The following GOLGA6C variants were observed in gnomAD, a reference collection of about 807,000 sequenced individuals.
GOLGA6C encodes the protein golgin A6 family member C.
GOLGA6C carries 3 observed loss-of-function variants against 57.5 expected under a neutral mutation model. That is an observed-to-expected ratio of 0.05 (90% CI 0.02 to 0.13). GOLGA6C has a LOEUF of 0.13. Ranked by LOEUF, GOLGA6C falls within the 10% of genes least tolerant of loss-of-function variation. The probability of loss-of-function intolerance (pLI) is 1.00; values close to 1 mark genes in which losing one functional copy is unlikely to be tolerated. For synonymous variants in GOLGA6C, 32 were observed against 203.8 expected (o/e 0.16, Z 7.18); for missense variants, 88 against 525.6 (o/e 0.17, Z 8.14).
rs1181811978 is a variant in GOLGA6C, at chr15:75,270,388, A to G, written c.*189A>G. 2.8e-5 allele frequency among the ~76,000 whole-genome samples: 4 copies of G among 141,412 alleles called. No homozygotes were observed. Among genetic ancestry groups the G allele is most frequent in the Non-Finnish European group, 6.0e-5 (4 of 66,364 alleles). 92.8% of individuals were successfully genotyped at this position (141,412 alleles called of 152,430 possible). ...TTGAATGCTAGAGCCACTCACATTT[A>G]TTTGTGTTTCTAATTTACCGTTTAA... On this transcript the variant is annotated 3_prime_UTR_variant, in exon 18 of 18. Transcript: ENST00000300576.
rs1234520591 is a variant in GOLGA6C, at chr15:75,273,368, A to C, written c.*3169A>C. ...TGTAAACAGAATGTATAATAGAAATACTGAAACACTGTTGCCTAAAGTGGC... is the reference window on the plus strand; with the variant it reads ...TGTAAACAGAATGTATAATAGAAATCCTGAAACACTGTTGCCTAAAGTGGC... On this transcript the variant is annotated 3_prime_UTR_variant, in exon 18 of 18. Coordinates refer to ENST00000300576, the MANE Select transcript of GOLGA6C (RefSeq NM_001164404.2). Among the ~76,000 whole-genome samples the C allele has an allele frequency of 1.3e-5, 2 of 152,032 alleles. No homozygotes were observed. Among genetic ancestry groups the C allele is most frequent in the African/African-American group, 2.4e-5 (1 of 41,288 alleles).
At position 75,270,101 on chromosome 15, in the gene GOLGA6C, G is replaced by T. The variant is rs771981851; in HGVS notation, c.1984G>T (p.Val662Leu). The change falls in exon 18 of 18, where the codon GTG becomes TTG. Residue 662 changes from valine to leucine, a missense_variant. Transcript: ENST00000300576. ...DFYEVSLDNN[V>L]EPAPGAAREG... is the part of the protein sequence containing the mutation. The stretch of plus-strand genomic sequence containing the variant: ...TTATGAAGTGAGCCTGGACAACAAC[G>T]TGGAGCCTGCACCAGGAGCGGCCAG... 3.7e-6 allele frequency: 6 copies of T among 1,603,074 alleles called. 1 individual carries two copies. In the East Asian group the frequency reaches 1.1e-4, roughly 30 times the overall value.
chr15:75,264,439 G>GTGT (rs2070747629), intron 7 of GOLGA6C, among the ~76,000 whole-genome samples: 1 of 117,276 alleles, frequency 8.5e-6, no homozygotes, highest in African/African-American at 3.9e-5. Flanking sequence ...AGAGGAAAGG[G>GTGT]GTGTGTGTGT....
In GOLGA6C at chr15:75,270,359, C is replaced by G. The variant is rs1202529963; in HGVS notation, c.*160C>G. ...TCATCTCCTACACAATTCATTTACT[C>G]CATTTGAATGCTAGAGCCACTCACA... On this transcript the variant is annotated 3_prime_UTR_variant, in exon 18 of 18. Transcript: ENST00000300576. Among the ~76,000 whole-genome samples the G allele has an allele frequency of 1.4e-5, 2 of 144,076 alleles. No homozygotes were observed. The highest frequency in any genetic ancestry group is 2.7e-5 in the African/African-American group (1 of 37,310). The allele number at this position is 144,076 out of a possible 152,430, so 94.5% of individuals were successfully genotyped here.
At position 75,273,151 on chromosome 15, in the gene GOLGA6C, G is replaced by T. The variant is rs1218735809; in HGVS notation, c.*2952G>T. Among the ~76,000 whole-genome samples the T allele has an allele frequency of 1.3e-5, 2 of 152,158 alleles. No individual in the cohort carries two copies. Among genetic ancestry groups the T allele is most frequent in the African/African-American group, 4.8e-5 (2 of 41,378 alleles). ...TTTATCTTAAAGAGTCATTTTAAAA[G>T]AATATAACTATTCAAAAATGTAACT... On this transcript the variant is annotated 3_prime_UTR_variant, in exon 18 of 18. Transcript: ENST00000300576.
rs1479121843 is a variant in GOLGA6C at position 75,259,029 on chromosome 15, C to T, written c.84+347C>T. Among the ~76,000 whole-genome samples, 338 of 149,672 alleles carry T rather than the reference C, an allele frequency of 2.3e-3. 1 individual carries two copies. Among genetic ancestry groups the T allele is most frequent in the African/African-American group, 8.0e-3 (322 of 40,056 alleles). On this transcript the variant is annotated intron_variant, in intron 1 of 17. Coordinates refer to ENST00000300576, the MANE Select transcript of GOLGA6C (RefSeq NM_001164404.2). ...CCTGGGTCCCCCAGCCCCAACCCCC[C>T]AGCATCGCCAGTCATCCCGGGGTGA...
Position 75,272,919 on chromosome 15 carries a change from G to A in GOLGA6C, c.*2720G>A, listed in dbSNP as rs1359177748. Among the ~76,000 whole-genome samples, 1 of 151,986 alleles carries A rather than the reference G, an allele frequency of 6.6e-6. No homozygotes were observed. The highest frequency in any genetic ancestry group is 1.5e-5 in the Non-Finnish European group (1 of 68,054). On this transcript the variant is annotated 3_prime_UTR_variant, in exon 18 of 18. Coordinates refer to ENST00000300576, the MANE Select transcript of GOLGA6C (RefSeq NM_001164404.2). ...CAGAAACATAGAATTTTAAAGTGTGGGTTCAACTGAATAAATTTGAATTTC... is the reference window on the plus strand; with the variant it reads ...CAGAAACATAGAATTTTAAAGTGTGAGTTCAACTGAATAAATTTGAATTTC...
At position 75,273,343 on chromosome 15, in the gene GOLGA6C, T is replaced by C. The variant is rs1329269282; in HGVS notation, c.*3144T>C. Among the ~76,000 whole-genome samples, 2 of 151,948 alleles carry C rather than the reference T, an allele frequency of 1.3e-5. No individual in the cohort carries two copies. Among genetic ancestry groups the C allele is most frequent in the Non-Finnish European group, 2.9e-5 (2 of 68,042 alleles). On this transcript the variant is annotated 3_prime_UTR_variant, in exon 18 of 18. Transcript: ENST00000300576. ...TGACTTTTACCAGTTTATGAATTCT[T>C]GTAAACAGAATGTATAATAGAAATA...
chr15:75,259,227 G>T (rs2070723697), intron 1 of GOLGA6C, among the ~76,000 whole-genome samples: 1 of 149,838 alleles, frequency 6.7e-6, no homozygotes, highest in Non-Finnish European at 1.5e-5. Flanking sequence ...CACTGATGAG[G>T]TTTCCCCCAC....
At chr15:75,265,031 A>C (rs1810406) in intron 7 of GOLGA6C, 91 bp from the exon 8 acceptor site, 4 of 1,475,820 alleles carry the variant, frequency 2.7e-6, no homozygotes, top group African/African-American at 2.9e-5. Context: ...GACCTTTACT[A>C]ACCGAGTTGT....
rs1191279534 is a variant in GOLGA6C, at chr15:75,273,234, G to A, written c.*3035G>A. Among the ~76,000 whole-genome samples the A allele has an allele frequency of 6.6e-6, 1 of 152,086 alleles. No homozygotes were observed. The highest frequency in any genetic ancestry group is 1.5e-5 in the Non-Finnish European group (1 of 68,054). On this transcript the variant is annotated 3_prime_UTR_variant, in exon 18 of 18. Coordinates refer to ENST00000300576, the MANE Select transcript of GOLGA6C (RefSeq NM_001164404.2). ...CTTTAAAATATGAATACTGTAGTTT[G>A]AAAGAAAGAAACTGGGGGAAGGAAA...
At position 75,272,752 on chromosome 15, in the gene GOLGA6C, TA is replaced by T. The variant is rs1169537216; in HGVS notation, c.*2555del. 1.9e-4 allele frequency among the ~76,000 whole-genome samples: 28 copies of T among 151,118 alleles called. No individual in the cohort carries two copies. The highest frequency in any genetic ancestry group is 6.7e-4 in the African/African-American group (27 of 40,390). On this transcript the variant is annotated 3_prime_UTR_variant, in exon 18 of 18. Transcript: ENST00000300576. ...AAAATTAAATAGCATGTAAATCATATAACAATAACTTAAGTCTTTCTTCAAA... is the reference window on the plus strand; with the variant it reads ...AAAATTAAATAGCATGTAAATCATATACAATAACTTAAGTCTTTCTTCAAA...
At position 75,270,349 on chromosome 15, in the gene GOLGA6C, T is replaced by C; in HGVS notation, c.*150T>C. On this transcript the variant is annotated 3_prime_UTR_variant, in exon 18 of 18. Transcript: ENST00000300576. The stretch of plus-strand genomic sequence containing the variant: ...GTTACGGGGTTCATCTCCTACACAA[T>C]TCATTTACTCCATTTGAATGCTAGA... 7.8e-7 allele frequency: 1 copy of C among 1,275,512 alleles called. No individual in the cohort carries two copies. Among genetic ancestry groups the C allele is most frequent in the Admixed American group, 2.9e-5 (1 of 34,862 alleles). The allele number at this position is 1,275,512 out of a possible 1,614,324, so 79.0% of individuals were successfully genotyped here.
chr15:75,270,171 A>T lies in GOLGA6C; in HGVS notation c.2054A>T (p.Gln685Leu), dbSNP rs1318512404. ...AACCCCCCGGTACAGCAGATCGTGC[A>T]GCTGTCTCCTGTCATGCAGGACACC... Reference protein sequence around the residue: ...HDNPPVQQIVQLSPVMQDT With the variant: ...HDNPPVQQIVLLSPVMQDT The change falls in exon 18 of 18, where the codon CAG (glutamine) becomes CTG (leucine). Residue 685 changes from glutamine to leucine, a missense_variant. Gln to Leu is a moderately radical substitution (Grantham distance 113). Coordinates refer to ENST00000300576, the MANE Select transcript of GOLGA6C (RefSeq NM_001164404.2). 10 of 1,592,316 alleles carry T rather than the reference A, an allele frequency of 6.3e-6. 1 individual carries two copies. The Admixed American group carries it at 1.8e-4, about 28-fold the overall frequency.
chr15:75,258,860 G>A (rs2070720218), intron 1 of GOLGA6C, among the ~76,000 whole-genome samples, 178 bp downstream of exon 1: 1 of 150,936 alleles, frequency 6.6e-6, no homozygotes. Flanking sequence ...CCTTCAGCAA[G>A]CAGCCCAGCC....
chr15:75,270,112 A>T lies in GOLGA6C; in HGVS notation c.1995A>T (p.Ala665=). Residue 665 remains alanine, a synonymous_variant, in exon 18 of 18, where the codon GCA becomes GCT. Coordinates refer to ENST00000300576, the MANE Select transcript of GOLGA6C (RefSeq NM_001164404.2). The stretch of plus-strand genomic sequence containing the variant: ...GCCTGGACAACAACGTGGAGCCTGC[A>T]CCAGGAGCGGCCAGGGAGGGTTCTC... ...EVSLDNNVEP[A]PGAAREGSPH... The T allele has an allele frequency of 1.2e-6, 2 of 1,601,708 alleles. No individual in the cohort carries two copies. Among genetic ancestry groups the T allele is most frequent in the Non-Finnish European group, 1.7e-6 (2 of 1,176,506 alleles).
chr15:75,260,683 A>G (rs1400891922), intron 2 of GOLGA6C, among the ~76,000 whole-genome samples, 191 bp downstream of exon 2: 1 of 149,826 alleles, frequency 6.7e-6, no homozygotes, highest in Non-Finnish European at 1.5e-5. Flanking sequence ...AAATAGGGGT[A>G]GTATTGTTTG....
Position 75,259,181 on chromosome 15 carries a change from C to T in GOLGA6C, c.84+499C>T, listed in dbSNP as rs563772241. On this transcript the variant is annotated intron_variant, in intron 1 of 17. Coordinates refer to ENST00000300576, the MANE Select transcript of GOLGA6C (RefSeq NM_001164404.2). The stretch of plus-strand genomic sequence containing the variant: ...GGACCTGGGTCCCAGCCCCACGTCC[C>T]CCCTCCCCCATCGTGGATCGGCAAC... 1.1e-4 allele frequency among the ~76,000 whole-genome samples: 16 copies of T among 152,014 alleles called. 1 individual carries two copies. Among genetic ancestry groups the T allele is most frequent in the African/African-American group, 2.2e-4 (9 of 41,222 alleles).
chr15:75,263,896 T>C lies in GOLGA6C; in HGVS notation c.457+16T>C, dbSNP rs2070743616. 7 of 1,237,678 alleles carry C rather than the reference T, an allele frequency of 5.7e-6. No homozygotes were observed. The highest frequency in any genetic ancestry group is 3.4e-5 in the African/African-American group (2 of 58,006). The allele number at this position is 1,237,678 out of a possible 1,614,324, so 76.7% of individuals were successfully genotyped here. The stretch of plus-strand genomic sequence containing the variant: ...CACTTCGAAGGTGGGAATCTGGGCA[T>C]CCCGTCATCCTTCAACCTGGCACTT... On this transcript the variant is annotated intron_variant, in intron 6 of 17. Coordinates refer to ENST00000300576, the MANE Select transcript of GOLGA6C (RefSeq NM_001164404.2).
Sources: gnomAD v4.1 joint callset for allele counts (sites outside exome capture counted in the v4.1 genomes callset) on GRCh38, gnomAD v4.1.1 for gene constraint, MANE v1.5 for transcripts, NCBI Gene and HGNC (gene_info 2026-07-23, HGNC 2026-07-21) for gene names.